Variants in FYB1 observed in about 807,000 individuals in gnomAD.
FYB1 encodes the protein FYN binding protein 1.
A neutral mutation model predicts 94.1 loss-of-function variants in FYB1; 41 were observed. That is an observed-to-expected ratio of 0.44 (90% confidence interval 0.34 to 0.57). The LOEUF is 0.57. Ranked by LOEUF, FYB1 falls within the 20% of genes least tolerant of loss-of-function variation. The pLI, the probability that FYB1 is intolerant of heterozygous loss-of-function variation, is 0.02. For synonymous variants in FYB1, 367 were observed against 353.2 expected, an observed-to-expected ratio of 1.04 and a Z score of -0.44; for missense variants, 1,050 against 976.8, an observed-to-expected ratio of 1.07 and a Z score of -1.00.
At chr5:39,125,549 A>T (rs574304379) in intron 12 of FYB1, among the ~76,000 whole-genome samples, 2 of 152,322 alleles carry the variant, frequency 1.3e-5, no homozygotes, top group East Asian at 1.9e-4. Flanking sequence ...ATTTCAAACT[A>T]TTAAAAAGAA....
chr5:39,273,077 G>A (rs916636199), intron 1 of FYB1, among the ~76,000 whole-genome samples: 1 of 152,198 alleles, frequency 6.6e-6, no homozygotes, highest in Admixed American at 6.5e-5. Flanking sequence ...GGGCGCTTCT[G>A]CCCGGCCGCC....
intron 1 of FYB1, among the ~76,000 whole-genome samples, chr5:39,204,327 C>A (rs562602588): frequency 6.6e-6 from 1 of 152,284 alleles, no homozygotes; most frequent in Admixed American, 6.5e-5. Flanking sequence ...CATTATTTAA[C>A]CCCATTTCAC....
chr5:39,125,611 A>T (rs1016789091), intron 12 of FYB1, among the ~76,000 whole-genome samples: 4 of 152,168 alleles, frequency 2.6e-5, no homozygotes, highest in African/African-American at 9.7e-5. Context: ...AAAATGTGGC[A>T]TTGGAATTGT....
chr5:39,198,914 C>T (rs1027313410), intron 2 of FYB1, among the ~76,000 whole-genome samples: 2 of 151,892 alleles, frequency 1.3e-5, no homozygotes, highest in African/African-American at 4.8e-5. Flanking sequence ...TACAGGGGCA[C>T]GATGGTACAT....
chr5:39,130,006 C>T (rs909168151), intron 10 of FYB1, among the ~76,000 whole-genome samples: 2 of 151,756 alleles, frequency 1.3e-5, no homozygotes, highest in Non-Finnish European at 2.9e-5. Context: ...TAGAATCAAC[C>T]TAATTATCAT....
At chr5:39,149,784 C>T (rs1241316040) in intron 3 of FYB1, among the ~76,000 whole-genome samples, 2 of 152,100 alleles carry the variant, frequency 1.3e-5, no homozygotes, top group East Asian at 3.9e-4. Flanking sequence ...AAGACCCCGG[C>T]GTTATTGATT....
intron 17 of FYB1, among the ~76,000 whole-genome samples, chr5:39,109,090 G>T (rs1738815511): frequency 6.6e-6 from 1 of 152,044 alleles, no homozygotes; most frequent in Non-Finnish European, 1.5e-5. Flanking sequence ...CAGAAATGTA[G>T]GGTGGCTTTG....
At chr5:39,236,847 TCAAA>T (rs1750987031) in intron 1 of FYB1, among the ~76,000 whole-genome samples, 1 of 152,040 alleles carries the variant, frequency 6.6e-6, no homozygotes, top group Non-Finnish European at 1.5e-5. Flanking sequence ...TTGTCATCTA[TCAAA>T]CAGAGATATT....
intron 1 of FYB1, chr5:39,212,851 C>T (rs1749537533): frequency 1.3e-5 from 2 of 152,192 alleles, no homozygotes; most frequent in Non-Finnish European, 2.9e-5. Context: ...GCTCTGGGCT[C>T]TCACTTGTCC....
chr5:39,120,576 A>T (rs1739997842), intron 14 of FYB1, among the ~76,000 whole-genome samples: 2 of 152,162 alleles, frequency 1.3e-5, no homozygotes, highest in Admixed American at 1.3e-4. Context: ...AGTGCTAGAC[A>T]CATTTTAAGA....
chr5:39,238,605 C>A (rs941172928), intron 1 of FYB1, among the ~76,000 whole-genome samples: 1 of 151,996 alleles, frequency 6.6e-6, no homozygotes, highest in Non-Finnish European at 1.5e-5. Flanking sequence ...GGAACTATTA[C>A]TGTGGGTGCA....
intron 2 of FYB1, among the ~76,000 whole-genome samples, chr5:39,193,587 G>A (rs1747554394): frequency 6.6e-6 from 1 of 152,204 alleles, no homozygotes; most frequent in Admixed American, 6.5e-5. Context: ...GGAAGACAGT[G>A]GTTCTAGACA....
At chr5:39,108,917 C>T (rs771320006) in intron 17 of FYB1, among the ~76,000 whole-genome samples, 39 of 152,176 alleles carry the variant, frequency 2.6e-4, no homozygotes, top group Non-Finnish European at 4.6e-4. Context: ...ATCCGACAAA[C>T]ATACTGAATC....
chr5:39,105,850 A>G lies in FYB1; in HGVS notation c.*1593T>C, dbSNP rs1054053260. ...GAGGGAATCTTTGGAGATTAGTGGC[A>G]TCTAATCTTGGGGCCTCAGACACCC... On this transcript the variant is annotated 3_prime_UTR_variant, in exon 19 of 19. Coordinates refer to ENST00000512982, the MANE Select transcript of FYB1 (RefSeq NM_001465.6). 6.6e-6 allele frequency: 1 copy of G among 152,184 alleles called. No individual in the cohort carries two copies. Among genetic ancestry groups the G allele is most frequent in the African/African-American group, 2.4e-5 (1 of 41,446 alleles). The allele number at this position is 152,184 out of a possible 1,614,324, so 9.4% of individuals were successfully genotyped here.
chr5:39,250,410 C>G (rs566433504), intron 1 of FYB1, among the ~76,000 whole-genome samples: 11 of 152,176 alleles, frequency 7.2e-5, no homozygotes, highest in Non-Finnish European at 2.9e-5. Context: ...GAAAGACTAT[C>G]AAATGCCATC....
chr5:39,155,028 G>A (rs2150362771), intron 2 of FYB1, among the ~76,000 whole-genome samples: 2 of 151,890 alleles, frequency 1.3e-5, no homozygotes, highest in Admixed American at 1.3e-4. Context: ...ATGTAATTAG[G>A]CTGCTTTGGA....
At chr5:39,221,377 G>A (rs1750253431), upstream of FYB1, among the ~76,000 whole-genome samples, 1 of 152,214 alleles carries the variant, frequency 6.6e-6, no homozygotes, top group Non-Finnish European at 1.5e-5. Context: ...GAAGGGAACA[G>A]GAGGACAGAC....
chr5:39,134,420 C>G, intron 8 of FYB1, 71 bp from the exon 9 acceptor site: 2 of 1,245,680 alleles, frequency 1.6e-6, no homozygotes, highest in Non-Finnish European at 1.1e-6. Flanking sequence ...AATAAAATAT[C>G]AATTGCACAT....
At chr5:39,228,848 C>A (rs114431929) in intron 1 of FYB1, among the ~76,000 whole-genome samples, 4 of 152,094 alleles carry the variant, frequency 2.6e-5, no homozygotes, top group Non-Finnish European at 4.4e-5. Context: ...GTTCTGAGAG[C>A]TAATAAATTT....
Sources: allele counts gnomAD v4.1 joint callset (sites outside exome capture counted in the v4.1 genomes callset), GRCh38; gene constraint gnomAD v4.1.1; transcripts MANE v1.5; gene names NCBI Gene and HGNC (gene_info 2026-07-23, HGNC 2026-07-21).